Variants in SLC5A8 observed in about 807,000 individuals in gnomAD.
The protein encoded by SLC5A8 is sodium-coupled monocarboxylate transporter 1.
A neutral mutation model predicts 71.9 loss-of-function variants in SLC5A8; 55 were observed. The ratio of observed to expected loss-of-function variants is 0.77; its 90% CI spans 0.62 to 0.96. SLC5A8 has a LOEUF of 0.96. Among genes scored for constraint, SLC5A8 ranks in the 40% least tolerant of loss-of-function variants. The pLI is 0.00. For synonymous variants in SLC5A8, 307 were observed against 276.1 expected, an observed-to-expected ratio of 1.11 and a Z score of -1.11; for missense variants, 701 against 745.3, an observed-to-expected ratio of 0.94 and a Z score of 0.69.
chr12:101,157,984 G>C (rs1372980084), intron 14 of SLC5A8, among the ~76,000 whole-genome samples: 1 of 152,118 alleles, frequency 6.6e-6, no homozygotes, highest in Non-Finnish European at 1.5e-5. Flanking sequence ...ATCATCAAAG[G>C]AAAGAGGATA....
chr12:101,193,259 C>T (rs2137158573), intron 5 of SLC5A8, among the ~76,000 whole-genome samples: 3 of 152,302 alleles, frequency 2.0e-5, no homozygotes, highest in Middle Eastern at 6.8e-3. Context: ...AGGTGTGAGC[C>T]ACTGTGCCTG....
chr12:101,193,480 A>G, intron 5 of SLC5A8, 145 bp downstream of exon 5: 1 of 892,820 alleles, frequency 1.1e-6, no homozygotes. Flanking sequence ...CTCCTTACGT[A>G]TTTACTTCTC....
In SLC5A8 at chr12:101,158,347, A is replaced by T; in HGVS notation, c.1631-19T>A. On this transcript the variant is annotated intron_variant, in intron 13 of 14. Transcript: ENST00000536262. ...CTTCCTCCTGGAAAAAAAAATGTAC[A>T]TGACTTACGTTGTTAAAAAGGACAC... The T allele has an allele frequency of 6.6e-7, 1 of 1,518,042 alleles. No individual in the cohort carries two copies. The highest frequency in any genetic ancestry group is 9.1e-7 in the Non-Finnish European group (1 of 1,104,394). The allele number at this position is 1,518,042 out of a possible 1,614,324, so 94.0% of individuals were successfully genotyped here.
intron 14 of SLC5A8, 64 bp downstream of exon 14, chr12:101,158,185 T>C: frequency 9.0e-7 from 1 of 1,106,316 alleles, no homozygotes; most frequent in South Asian, 1.3e-5. Context: ...TGAGAACTAA[T>C]TAGTGTTCTA....
intron 3 of SLC5A8, 92 bp downstream of exon 3, chr12:101,202,072 C>T (rs373074609): frequency 4.0e-6 from 5 of 1,248,550 alleles, no homozygotes; most frequent in South Asian, 1.3e-5. Flanking sequence ...AGAAGCATTC[C>T]TCCATCTCCC....
rs1869593338 is a variant in SLC5A8, at chr12:101,204,485, T to C, written c.417+15A>G. The C allele has an allele frequency of 1.3e-6, 2 of 1,582,494 alleles. No homozygotes were observed. Among genetic ancestry groups the C allele is most frequent in the East Asian group, 4.5e-5 (2 of 44,284 alleles). On this transcript the variant is annotated intron_variant, in intron 2 of 14. Transcript: ENST00000536262. ...TTTAGCTGACAAAAGATAAAATAAA[T>C]GGAGAGCTACTTACTGTTTGAACAA...
At position 101,156,030 on chromosome 12, in the gene SLC5A8, C is replaced by A. The variant is rs2051657462; in HGVS notation, c.*1249G>T. 6.6e-6 allele frequency: 1 copy of A among 151,992 alleles called. No homozygotes were observed. The allele number at this position is 151,992 out of a possible 1,614,324, so 9.4% of individuals were successfully genotyped here. On this transcript the variant is annotated 3_prime_UTR_variant, in exon 15 of 15. Transcript: ENST00000536262. ...GTACAAAAAATAAGTTATTGATGAACTCCTATAACCAAACTCTTAGCTAGG... is the reference window on the plus strand; with the variant it reads ...GTACAAAAAATAAGTTATTGATGAAATCCTATAACCAAACTCTTAGCTAGG...
In SLC5A8 at chr12:101,209,537, G is replaced by A. The variant is rs770385722; in HGVS notation, c.312C>T (p.Leu104=). 17 of 1,613,358 alleles carry A rather than the reference G, an allele frequency of 1.1e-5. No individual in the cohort carries two copies. Among genetic ancestry groups the A allele is most frequent in the East Asian group, 4.5e-5 (2 of 44,858 alleles). The change falls in exon 1 of 15, where the codon CTC becomes CTT. Residue 104 remains leucine, a synonymous_variant. Coordinates refer to ENST00000536262, the MANE Select transcript of SLC5A8 (RefSeq NM_145913.5). ...FVVVISAEVF[L]PVFYKLGITS... ...TAATTCCCAGTTTGTAGAACACCGG[G>A]AGGAAGACCTCCGCGCTGATGACCA...
intron 7 of SLC5A8, among the ~76,000 whole-genome samples, chr12:101,187,109 A>C (rs1330954868): frequency 6.6e-6 from 1 of 152,090 alleles, no homozygotes; most frequent in Non-Finnish European, 1.5e-5. Context: ...ACAACAAAAA[A>C]CTGTGTTCAC....
rs186674828 is a variant in SLC5A8, at chr12:101,187,278, G to A, written c.963+108C>T. 5.9e-6 allele frequency: 7 copies of A among 1,190,804 alleles called. No individual in the cohort carries two copies. The East Asian group carries it at 1.8e-4, about 31-fold the overall frequency. 73.8% of individuals were successfully genotyped at this position (1,190,804 alleles called of 1,614,324 possible). Reference sequence around the variant, plus strand: ...TTTATAGAAATGTAAGATGATGATGGCATGTCCACTTTCCGTTTCTCTACA... The same window carrying A: ...TTTATAGAAATGTAAGATGATGATGACATGTCCACTTTCCGTTTCTCTACA... On this transcript the variant is annotated intron_variant, in intron 7 of 14. Coordinates refer to ENST00000536262, the MANE Select transcript of SLC5A8 (RefSeq NM_145913.5).
intron 9 of SLC5A8, among the ~76,000 whole-genome samples, chr12:101,181,775 CTGAAATTA>C (rs1868374607): frequency 1.3e-5 from 2 of 152,100 alleles, no homozygotes; most frequent in Non-Finnish European, 2.9e-5. Flanking sequence ...TTGCATCATT[CTGAAATTA>C]TGTTCCAGGA....
chr12:101,162,209 C>T, intron 12 of SLC5A8, 132 bp from the exon 13 acceptor site: 2 of 615,458 alleles, frequency 3.2e-6, no homozygotes, highest in Non-Finnish European at 2.9e-6. Context: ...ACCTGCTGTC[C>T]TAATTTTATC....
intron 10 of SLC5A8, among the ~76,000 whole-genome samples, chr12:101,177,371 T>G (rs760249869): frequency 6.6e-6 from 1 of 151,052 alleles, no homozygotes; most frequent in Non-Finnish European, 1.5e-5. Context: ...TCCTAGAAAA[T>G]AGAAAACAGA....
rs907551644 is a variant in SLC5A8, at chr12:101,209,823, G to A, written c.26C>T (p.Thr9Ile). ...CACCACGTAGTCCCACACCACGAAG[G>A]TGCCGATGCCCCGTGGCGTGTCCAT... MDTPRGIG[T>I]FVVWDYVVFA... The change falls in exon 1 of 15, where the codon ACC becomes ATC. Residue 9 changes from threonine to isoleucine, a missense_variant. Coordinates refer to ENST00000536262, the MANE Select transcript of SLC5A8 (RefSeq NM_145913.5). 1.9e-6 allele frequency: 3 copies of A among 1,577,656 alleles called. No homozygotes were observed. The highest frequency in any genetic ancestry group is 2.6e-6 in the Non-Finnish European group (3 of 1,159,516).
At chr12:101,170,981 T>C (rs527621879) in intron 10 of SLC5A8, among the ~76,000 whole-genome samples, 3 of 152,350 alleles carry the variant, frequency 2.0e-5, no homozygotes, top group South Asian at 4.1e-4. Context: ...CTGATGCTCA[T>C]GCATTTTATT....
chr12:101,204,467 G>A lies in SLC5A8; in HGVS notation c.417+33C>T, dbSNP rs201064782. ...TGCCATGGTTAAAAACATTTTAGCT[G>A]ACAAAAGATAAAATAAATGGAGAGC... On this transcript the variant is annotated intron_variant, in intron 2 of 14. Transcript: ENST00000536262. The A allele has an allele frequency of 1.0e-5, 16 of 1,547,690 alleles. No individual in the cohort carries two copies. The African/African-American group carries it at 1.9e-4, about 19-fold the overall frequency.
chr12:101,168,458 T>C lies in SLC5A8; in HGVS notation c.1234-276A>G, dbSNP rs964502623. Among the ~76,000 whole-genome samples, 23 of 152,216 alleles carry C rather than the reference T, an allele frequency of 1.5e-4. 1 individual carries two copies. Among genetic ancestry groups the C allele is most frequent in the Admixed American group, 1.4e-3 (22 of 15,280 alleles). On this transcript the variant is annotated intron_variant, in intron 10 of 14. Coordinates refer to ENST00000536262, the MANE Select transcript of SLC5A8 (RefSeq NM_145913.5). ...GTCTGCGACAATGGTAGTGCCTATG[T>C]GAATGTATAAATCATGAATGATACC... is the stretch of plus-strand genomic sequence containing the variant.
In SLC5A8 at chr12:101,209,483, C is replaced by A. The variant is rs1407588909; in HGVS notation, c.351+15G>T. 1 of 1,498,768 alleles carries A rather than the reference C, an allele frequency of 6.7e-7. No homozygotes were observed. Among genetic ancestry groups the A allele is most frequent in the East Asian group, 2.3e-5 (1 of 43,214 alleles). 92.8% of individuals were successfully genotyped at this position (1,498,768 alleles called of 1,614,324 possible). A position where few individuals can be genotyped will look rare whatever the true frequency, so the allele number is the denominator to read the frequency against. On this transcript the variant is annotated intron_variant, in intron 1 of 14. Coordinates refer to ENST00000536262, the MANE Select transcript of SLC5A8 (RefSeq NM_145913.5). ...CCCCGCGCCCTGCATGGTCCCAGCC[C>A]ACCCTGCCCCTTACCTCGTAGGTGC...
chr12:101,190,441 A>T (rs1346011145), intron 6 of SLC5A8, 27 bp downstream of exon 6: 3 of 1,599,120 alleles, frequency 1.9e-6, no homozygotes, highest in Non-Finnish European at 2.6e-6. Context: ...GTTATTAATG[A>T]TTCATATACC....
Sources: allele counts gnomAD v4.1 joint callset (sites outside exome capture counted in the v4.1 genomes callset), GRCh38; gene constraint gnomAD v4.1.1; transcripts MANE v1.5; gene names NCBI Gene and HGNC (gene_info 2026-07-23, HGNC 2026-07-21).